The following NLGN1 variants were observed in gnomAD, a reference collection of about 807,000 sequenced individuals.
The protein encoded by NLGN1 is neuroligin-1.
In NLGN1, 12 loss-of-function variants were observed where a neutral mutation model predicts 65.5. That is an observed-to-expected ratio of 0.18 (90% CI 0.12 to 0.30). The LOEUF is 0.30. Among genes scored for constraint, NLGN1 ranks in the 10% least tolerant of loss-of-function variants. The pLI, the probability that NLGN1 is intolerant of heterozygous loss-of-function variation, is 1.00. For synonymous variants in NLGN1, 350 were observed against 359.5 expected (o/e 0.97, Z 0.30); for missense variants, 750 against 1,007.1 (o/e 0.74, Z 3.46).
chr3:173,583,559 A>ACC (rs1263053681), intron 2 of NLGN1, among the ~76,000 whole-genome samples: 1 of 152,126 alleles, frequency 6.6e-6, no homozygotes, highest in African/African-American at 2.4e-5. Flanking sequence ...CAGCTACAGA[A>ACC]CCCCTCACAA....
intron 2 of NLGN1, among the ~76,000 whole-genome samples, chr3:173,543,283 A>G (rs1424613187): frequency 6.6e-6 from 1 of 152,168 alleles, no homozygotes. Context: ...ATAGCACTTA[A>G]CAGTGTTCTG....
intron 3 of NLGN1, among the ~76,000 whole-genome samples, chr3:173,613,438 C>T (rs951523187): frequency 6.6e-6 from 1 of 152,022 alleles, no homozygotes; most frequent in African/African-American, 2.4e-5. Context: ...ATTTTTCTAT[C>T]AAGATAGGAT....
intron 1 of NLGN1, among the ~76,000 whole-genome samples, chr3:173,418,345 T>C (rs1242242158): frequency 6.7e-6 from 1 of 148,844 alleles, no homozygotes; most frequent in East Asian, 2.0e-4. Context: ...CAATGCACAG[T>C]TTGATTATTT....
At chr3:173,832,745 T>A (rs1347813280) in intron 4 of NLGN1, among the ~76,000 whole-genome samples, 2 of 152,224 alleles carry the variant, frequency 1.3e-5, no homozygotes, top group Non-Finnish European at 2.9e-5. Context: ...TACATGTACA[T>A]GATTAAATAA....
intron 4 of NLGN1, among the ~76,000 whole-genome samples, chr3:174,047,818 GAT>G (rs541138081): frequency 3.5e-4 from 52 of 149,374 alleles, no homozygotes; most frequent in African/African-American, 1.2e-3. Context: ...AAAAAAAAAA[GAT>G]ATAATTTGCA....
chr3:173,959,124 G>A (rs1294499231), intron 4 of NLGN1, among the ~76,000 whole-genome samples: 1 of 152,206 alleles, frequency 6.6e-6, no homozygotes, highest in Non-Finnish European at 1.5e-5. Context: ...CTGCAGCTGT[G>A]CCCAGGAGGG....
intron 4 of NLGN1, among the ~76,000 whole-genome samples, chr3:174,182,070 C>T (rs1271911794): frequency 6.6e-6 from 1 of 151,694 alleles, no homozygotes; most frequent in Non-Finnish European, 1.5e-5. Flanking sequence ...ATTGTACACA[C>T]CTAACCCATA....
At chr3:173,542,983 T>A (rs1303250256) in intron 2 of NLGN1, among the ~76,000 whole-genome samples, 1 of 152,118 alleles carries the variant, frequency 6.6e-6, no homozygotes, top group Admixed American at 6.5e-5. Flanking sequence ...TGTCTTCAAC[T>A]TTTATTTCAC....
chr3:174,218,186 G>A (rs751615387), intron 4 of NLGN1, among the ~76,000 whole-genome samples: 3 of 151,968 alleles, frequency 2.0e-5, no homozygotes, highest in Non-Finnish European at 4.4e-5. Flanking sequence ...CTGCCACCAG[G>A]GGATTATAGC....
At chr3:173,932,378 T>C (rs539361023) in intron 4 of NLGN1, among the ~76,000 whole-genome samples, 1 of 152,216 alleles carries the variant, frequency 6.6e-6, no homozygotes, top group South Asian at 2.1e-4. Flanking sequence ...GCTTGAGTTA[T>C]ATAGGGAAAT....
chr3:174,058,008 A>G (rs570646123), intron 4 of NLGN1: 1 of 152,230 alleles, frequency 6.6e-6, no homozygotes, highest in Non-Finnish European at 1.5e-5. Flanking sequence ...TTGAGGGAAG[A>G]GACAGTTGTA....
intron 4 of NLGN1, among the ~76,000 whole-genome samples, chr3:173,956,143 A>G (rs1261749367): frequency 1.3e-5 from 2 of 152,058 alleles, no homozygotes; most frequent in African/African-American, 2.4e-5. Flanking sequence ...GTTTCATTGC[A>G]TCATGTGGTT....
At chr3:173,597,656 A>T in intron 2 of NLGN1, among the ~76,000 whole-genome samples, 1 of 150,864 alleles carries the variant, frequency 6.6e-6, no homozygotes, top group East Asian at 2.0e-4. Flanking sequence ...TTAGTAAAAA[A>T]TATGGTTTGG....
intron 4 of NLGN1, among the ~76,000 whole-genome samples, chr3:174,010,618 AT>A (rs778311923): frequency 5.3e-5 from 8 of 152,124 alleles, no homozygotes; most frequent in Non-Finnish European, 1.2e-4. Context: ...CTTATGGCAG[AT>A]TTTATATAAC....
intron 4 of NLGN1, among the ~76,000 whole-genome samples, chr3:173,812,748 T>C (rs1413439346): frequency 2.9e-5 from 4 of 139,010 alleles, no homozygotes; most frequent in Non-Finnish European, 6.2e-5. Flanking sequence ...ATACTATATA[T>C]GTGTGTGCGT....
At chr3:174,030,003 C>G (rs1729631989) in intron 4 of NLGN1, among the ~76,000 whole-genome samples, 1 of 151,916 alleles carries the variant, frequency 6.6e-6, no homozygotes, top group South Asian at 2.1e-4. Flanking sequence ...CAGATTAATA[C>G]AATAGCTCAT....
intron 4 of NLGN1, among the ~76,000 whole-genome samples, chr3:174,067,307 A>AG (rs1738835252): frequency 6.6e-6 from 1 of 152,154 alleles, no homozygotes; most frequent in South Asian, 2.1e-4. Context: ...AATATATTTG[A>AG]GGGGGTATAT....
chr3:174,001,366 A>G (rs1017978572), intron 4 of NLGN1, among the ~76,000 whole-genome samples: 1 of 152,088 alleles, frequency 6.6e-6, no homozygotes, highest in African/African-American at 2.4e-5. Flanking sequence ...AATTGGGAAT[A>G]GAAGTAAGTT....
At chr3:174,289,151 T>G (rs1005549359), downstream of NLGN1, among the ~76,000 whole-genome samples, 2 of 151,314 alleles carry the variant, frequency 1.3e-5, no homozygotes, top group Admixed American at 6.6e-5. Flanking sequence ...ATAGAGACAG[T>G]GTGTAAAGTA....
Sources: allele counts gnomAD v4.1 joint callset (sites outside exome capture counted in the v4.1 genomes callset), GRCh38; gene constraint gnomAD v4.1.1; transcripts MANE v1.5; gene names NCBI Gene and HGNC (gene_info 2026-07-23, HGNC 2026-07-21).